SMOC2: variants seen among roughly 807,000 people sequenced by gnomAD.
The protein encoded by SMOC2 is SPARC-related modular calcium-binding protein 2.
A neutral mutation model predicts 61.4 loss-of-function variants in SMOC2; 39 were observed. That is an observed-to-expected ratio of 0.64 (90% CI 0.49 to 0.83). The LOEUF is 0.83. Ranked by LOEUF, SMOC2 falls within the 40% of genes least tolerant of loss-of-function variation. The pLI, the probability that SMOC2 is intolerant of heterozygous loss-of-function variation, is 0.00. For missense variants in SMOC2, 556 were observed against 592.9 expected (o/e 0.94, Z 0.65); for synonymous variants, 247 against 239.9 (o/e 1.03, Z -0.27).
chr6:168,517,191 GC>G (rs1455740284), intron 2 of SMOC2, among the ~76,000 whole-genome samples: 1 of 151,934 alleles, frequency 6.6e-6, no homozygotes, highest in East Asian at 1.9e-4. Flanking sequence ...CAGCTGTGAG[GC>G]CTCGCTCTGA....
intron 2 of SMOC2, among the ~76,000 whole-genome samples, chr6:168,524,497 C>G (rs185298467): frequency 5.6e-4 from 85 of 152,336 alleles, no homozygotes; most frequent in African/African-American, 2.0e-3. Context: ...ATGGAGCCCA[C>G]AGGAGTTTGG....
chr6:168,562,547 G>T (rs1208356975), intron 7 of SMOC2, among the ~76,000 whole-genome samples: 5 of 152,112 alleles, frequency 3.3e-5, no homozygotes, highest in Non-Finnish European at 7.3e-5. Context: ...GGGGTGAGGA[G>T]GTACTGTTTT....
chr6:168,541,900 T>C (rs749157365), intron 4 of SMOC2, among the ~76,000 whole-genome samples: 28 of 152,152 alleles, frequency 1.8e-4, no homozygotes, highest in Non-Finnish European at 3.5e-4. Context: ...TGTTTAAATG[T>C]TGGATTCTGA....
chr6:168,570,465 C>T (rs889375090), intron 7 of SMOC2, among the ~76,000 whole-genome samples: 2 of 152,152 alleles, frequency 1.3e-5, no homozygotes, highest in African/African-American at 2.4e-5. Context: ...CGGCCCAGGG[C>T]GCACTCCTGC....
intron 5 of SMOC2, among the ~76,000 whole-genome samples, chr6:168,545,209 A>G (rs527649085): frequency 6.6e-5 from 10 of 152,224 alleles, no homozygotes; most frequent in African/African-American, 1.9e-4. Context: ...ATCGTCTTTC[A>G]GAGGGCATTT....
chr6:168,573,504 C>CTGCTGCTGG (rs1191082365), intron 7 of SMOC2, among the ~76,000 whole-genome samples: 32 of 152,194 alleles, frequency 2.1e-4, no homozygotes, highest in African/African-American at 7.2e-4. Context: ...CCAGGCGAGC[C>CTGCTGCTGG]TGCTGCTGGT....
intron 8 of SMOC2, among the ~76,000 whole-genome samples, chr6:168,600,278 A>G (rs548351526): frequency 6.6e-6 from 1 of 152,036 alleles, no homozygotes; most frequent in Admixed American, 6.5e-5. Context: ...GTGGTGGTGG[A>G]TGCCTGTAAT....
intron 7 of SMOC2, among the ~76,000 whole-genome samples, chr6:168,584,887 C>T (rs9688749): frequency 0.35 from 53,474 of 152,012 alleles, 9,907 homozygotes; most frequent in Middle Eastern, 0.46. Flanking sequence ...CCCGGGACAG[C>T]CCCCCAGAGC....
At chr6:168,537,457 A>G (rs1040861311) in intron 4 of SMOC2, among the ~76,000 whole-genome samples, 9 of 152,140 alleles carry the variant, frequency 5.9e-5, no homozygotes, top group African/African-American at 2.2e-4. Context: ...AGCTGGTCCT[A>G]TTTAGGGAGA....
intron 1 of SMOC2, among the ~76,000 whole-genome samples, chr6:168,451,389 C>A (rs1781457768): frequency 6.6e-6 from 1 of 152,202 alleles, no homozygotes; most frequent in African/African-American, 2.4e-5. Flanking sequence ...TTTCTGGAAA[C>A]ATGGACGCCT....
chr6:168,518,856 C>G (rs996703401), intron 2 of SMOC2, among the ~76,000 whole-genome samples: 8 of 145,244 alleles, frequency 5.5e-5, no homozygotes, highest in Admixed American at 4.1e-4. Context: ...TGTGTGCCTC[C>G]TTGTGTATGA....
chr6:168,518,398 T>C (rs529300047), intron 2 of SMOC2, among the ~76,000 whole-genome samples: 29 of 136,968 alleles, frequency 2.1e-4, no homozygotes, highest in Non-Finnish European at 4.1e-4. Flanking sequence ...TGTGATTGTG[T>C]ATGCTTGTGT....
rs558234871 is a variant in SMOC2, at chr6:168,609,735, G to T, written c.907+1496G>T. On this transcript the variant is annotated intron_variant, in intron 9 of 12. Transcript: ENST00000356284. ...CCTCAATAAATGTTTCCTGGTTTTG[G>T]TTGGTCTTGACCTTGTCACGTGCAC... Among the ~76,000 whole-genome samples the T allele has an allele frequency of 2.6e-5, 4 of 152,290 alleles. No homozygotes were observed. The East Asian group carries it at 7.7e-4, about 29-fold the overall frequency.
At chr6:168,525,002 A>G (rs1468289399) in intron 2 of SMOC2, among the ~76,000 whole-genome samples, 2 of 152,266 alleles carry the variant, frequency 1.3e-5, no homozygotes, top group African/African-American at 4.8e-5. Flanking sequence ...GGAGTCAAAA[A>G]GTCACCATCT....
At chr6:168,533,591 T>C (rs1783661769) in intron 4 of SMOC2, among the ~76,000 whole-genome samples, 1 of 152,192 alleles carries the variant, frequency 6.6e-6, no homozygotes, top group Non-Finnish European at 1.5e-5. Context: ...CCAATGTCTC[T>C]GAAGCACTTC....
intron 8 of SMOC2, 64 bp downstream of exon 8, chr6:168,599,068 A>G (rs1785410876): frequency 6.9e-7 from 1 of 1,446,914 alleles, no homozygotes; most frequent in East Asian, 2.5e-5. Flanking sequence ...AAGCCAGGAA[A>G]GCAGAACCCC....
In SMOC2 at chr6:168,562,457, G is replaced by T. The variant is rs138138814; in HGVS notation, c.637+13254G>T. Among the ~76,000 whole-genome samples the T allele has an allele frequency of 6.1e-4, 92 of 151,184 alleles. No individual in the cohort carries two copies. In the East Asian group the frequency reaches 0.018, roughly 29 times the overall value. On this transcript the variant is annotated intron_variant, in intron 7 of 12. Transcript: ENST00000356284. Reference sequence around the variant, plus strand: ...GGCTCTCACTGTGTTCTCGGAGGAGGTGTCATTTTCCTGCCCTGAGACACG... The same window carrying T: ...GGCTCTCACTGTGTTCTCGGAGGAGTTGTCATTTTCCTGCCCTGAGACACG...
intron 12 of SMOC2, chr6:168,665,200 T>C (rs1418907084): frequency 6.1e-6 from 1 of 163,320 alleles, no homozygotes; most frequent in Admixed American, 6.4e-5. Flanking sequence ...GCTCCACGCA[T>C]CTTAAATAAA....
Position 168,475,595 on chromosome 6 carries a change from G to A in SMOC2, c.84+34141G>A, listed in dbSNP as rs1030743992. ...GCATGAAGGCACATGGGTCTGGAAGGCAGTGTCAGGACTGAGACAGGAGGG... is the reference window on the plus strand; with the variant it reads ...GCATGAAGGCACATGGGTCTGGAAGACAGTGTCAGGACTGAGACAGGAGGG... On this transcript the variant is annotated intron_variant, in intron 1 of 12. Coordinates refer to ENST00000356284, the MANE Select transcript of SMOC2 (RefSeq NM_001166412.2). This position sits in a 1 kb window ranked among gnomAD's most constrained non-coding sequence, Gnocchi z 4.6. Among the ~76,000 whole-genome samples the A allele has an allele frequency of 6.6e-5, 10 of 152,130 alleles. No individual in the cohort carries two copies. The highest frequency in any genetic ancestry group is 1.2e-4 in the Non-Finnish European group (8 of 68,018).
Sources: gnomAD v4.1 joint callset for allele counts (sites outside exome capture counted in the v4.1 genomes callset) on GRCh38, gnomAD v4.1.1 for gene constraint, Gnocchi (gnomAD v3.1) non-coding constraint, MANE v1.5 for transcripts, NCBI Gene and HGNC (gene_info 2026-07-23, HGNC 2026-07-21) for gene names.